The following EFNA5 variants were observed in gnomAD, a reference collection of about 807,000 sequenced individuals.
The protein encoded by EFNA5 is ephrin-A5.
A neutral mutation model predicts 22.9 loss-of-function variants in EFNA5; 5 were observed. That is an observed-to-expected ratio of 0.22 (90% CI 0.11 to 0.46). EFNA5 has a LOEUF of 0.46. Ranked by LOEUF, EFNA5 falls within the 20% of genes least tolerant of loss-of-function variation. EFNA5 has a pLI of 0.99. For synonymous variants in EFNA5, 113 were observed against 112.2 expected (o/e 1.01, Z -0.04); for missense variants, 237 against 293.3 (o/e 0.81, Z 1.40).
chr5:107,650,983 A>G (rs1215420272), intron 1 of EFNA5, among the ~76,000 whole-genome samples: 1 of 152,230 alleles, frequency 6.6e-6, no homozygotes, highest in African/African-American at 2.4e-5. Context: ...ACCTCAGTCC[A>G]TTAAATGCTC....
intron 1 of EFNA5, among the ~76,000 whole-genome samples, chr5:107,617,598 T>C (rs970470025): frequency 6.6e-6 from 1 of 152,110 alleles, no homozygotes; most frequent in South Asian, 2.1e-4. Flanking sequence ...AAAATGCGTA[T>C]TGAGAGGCAA....
At chr5:107,482,856 CTCTCTCTCTCTCTCTATATA>C (rs1561406383) in intron 1 of EFNA5, among the ~76,000 whole-genome samples, 82 of 75,394 alleles carry the variant, frequency 1.1e-3, no homozygotes, top group East Asian at 2.1e-3. Context: ...CTCTCTCTCT[CTCTCTCTCTCTCTCTATATA>C]TATATATATA....
chr5:107,573,424 T>A (rs1385440756), intron 1 of EFNA5, among the ~76,000 whole-genome samples: 1 of 152,000 alleles, frequency 6.6e-6, no homozygotes, highest in African/African-American at 2.4e-5. Context: ...CAAAGCTAGA[T>A]ATCTCAGTGC....
chr5:107,556,397 T>C (rs2112472836), intron 1 of EFNA5, among the ~76,000 whole-genome samples: 1 of 152,266 alleles, frequency 6.6e-6, no homozygotes, highest in Middle Eastern at 3.4e-3. Context: ...AAACTCAAAT[T>C]TTCTATGCTT....
At chr5:107,472,068 C>A (rs1437901683) in intron 1 of EFNA5, among the ~76,000 whole-genome samples, 1 of 152,164 alleles carries the variant, frequency 6.6e-6, no homozygotes, top group Non-Finnish European at 1.5e-5. Context: ...AAAACACATG[C>A]ACAAAGCCAT....
intron 1 of EFNA5, among the ~76,000 whole-genome samples, chr5:107,627,909 ATACT>A (rs531621741): frequency 3.0e-4 from 45 of 152,332 alleles, no homozygotes; most frequent in Middle Eastern, 6.8e-3. Context: ...GAGCTATACG[ATACT>A]TAGTTTCAAA....
At chr5:107,669,446 G>T (rs940732968) in intron 1 of EFNA5, among the ~76,000 whole-genome samples, 1 of 151,988 alleles carries the variant, frequency 6.6e-6, no homozygotes, top group African/African-American at 2.4e-5. Flanking sequence ...GGGCCTAGCG[G>T]GGCCGACTTC....
intron 2 of EFNA5, among the ~76,000 whole-genome samples, chr5:107,426,102 C>T (rs1471198462): frequency 6.6e-6 from 1 of 152,200 alleles, no homozygotes; most frequent in African/African-American, 2.4e-5. Context: ...ATTTACATGT[C>T]TGCTCCCCAG....
chr5:107,630,167 AT>A (rs1366645706), intron 1 of EFNA5, among the ~76,000 whole-genome samples: 4 of 152,184 alleles, frequency 2.6e-5, no homozygotes, highest in African/African-American at 7.2e-5. Context: ...AATTCTTCCA[AT>A]GTGGCCAGGG....
At chr5:107,573,785 G>A (rs115161402) in intron 1 of EFNA5, among the ~76,000 whole-genome samples, 2,682 of 152,244 alleles carry the variant, frequency 0.018, 36 homozygotes, top group Non-Finnish European at 0.027. Context: ...ATAAGAGGGG[G>A]AGAACGGAAC....
At position 107,651,473 on chromosome 5, in the gene EFNA5, T is replaced by C. The variant is rs2112552947; in HGVS notation, c.125+19016A>G. Among the ~76,000 whole-genome samples the C allele has an allele frequency of 2.6e-5, 4 of 152,066 alleles. No homozygotes were observed. In the South Asian group the frequency reaches 8.3e-4, roughly 32 times the overall value. On this transcript the variant is annotated intron_variant, in intron 1 of 4. Transcript: ENST00000333274. Reference sequence around the variant, plus strand: ...TAAATGCCAAAGCCTGTACTCTAACTAGGAAGGTTTTGAAAACATGATTCA... The same window carrying C: ...TAAATGCCAAAGCCTGTACTCTAACCAGGAAGGTTTTGAAAACATGATTCA...
At chr5:107,561,978 C>T (rs948539811) in intron 1 of EFNA5, among the ~76,000 whole-genome samples, 1 of 152,170 alleles carries the variant, frequency 6.6e-6, no homozygotes, top group African/African-American at 2.4e-5. Flanking sequence ...ACTACACAGC[C>T]TCCTCCCCAC....
Position 107,377,690 on chromosome 5 carries a change from T to C in EFNA5, c.*3565A>G, listed in dbSNP as rs1169901056. 1 of 152,100 alleles carries C rather than the reference T, an allele frequency of 6.6e-6. No individual in the cohort carries two copies. Among genetic ancestry groups the C allele is most frequent in the Non-Finnish European group, 1.5e-5 (1 of 68,024 alleles). 9.4% of individuals were successfully genotyped at this position (152,100 alleles called of 1,614,324 possible). A position where few individuals can be genotyped will look rare whatever the true frequency, so the allele number is the denominator to read the frequency against. On this transcript the variant is annotated 3_prime_UTR_variant, in exon 5 of 5. Coordinates refer to ENST00000333274, the MANE Select transcript of EFNA5 (RefSeq NM_001962.3). ...TCCTACACTGATTGGTTTGCAACCA[T>C]TTCCATGAGTGAGCTGCACATGATA...
chr5:107,490,340 C>T (rs1746770567), intron 1 of EFNA5, among the ~76,000 whole-genome samples: 1 of 152,136 alleles, frequency 6.6e-6, no homozygotes, highest in Non-Finnish European at 1.5e-5. Context: ...ATGGGATCCT[C>T]CTGCCTCCAC....
chr5:107,473,465 A>G (rs1247271284), intron 1 of EFNA5, among the ~76,000 whole-genome samples: 1 of 152,112 alleles, frequency 6.6e-6, no homozygotes, highest in Non-Finnish European at 1.5e-5. Flanking sequence ...GGGGAGGCAA[A>G]TAGAACTATG....
intron 1 of EFNA5, among the ~76,000 whole-genome samples, chr5:107,442,458 A>G (rs766701239): frequency 3.3e-5 from 5 of 152,196 alleles, no homozygotes; most frequent in South Asian, 2.1e-4. Context: ...TTTCCAGTGT[A>G]GTTCAAAGCA....
chr5:107,532,115 C>G (rs1258804086), intron 1 of EFNA5, among the ~76,000 whole-genome samples: 1 of 152,144 alleles, frequency 6.6e-6, no homozygotes, highest in African/African-American at 2.4e-5. Context: ...ATGGGAACGG[C>G]TTTGTTTTAT....
chr5:107,654,497 T>C (rs1361028341), intron 1 of EFNA5, among the ~76,000 whole-genome samples: 1 of 152,180 alleles, frequency 6.6e-6, no homozygotes, highest in Non-Finnish European at 1.5e-5. Context: ...CCAACTATAA[T>C]ACTCATTATT....
intron 1 of EFNA5, among the ~76,000 whole-genome samples, chr5:107,517,945 T>G (rs1182511856): frequency 1.3e-5 from 2 of 152,174 alleles, no homozygotes; most frequent in African/African-American, 2.4e-5. Flanking sequence ...TACTGTATTT[T>G]TCTTATGCAA....
Sources: allele counts gnomAD v4.1 joint callset (sites outside exome capture counted in the v4.1 genomes callset), GRCh38; gene constraint gnomAD v4.1.1; transcripts MANE v1.5; gene names NCBI Gene and HGNC (gene_info 2026-07-23, HGNC 2026-07-21).